Variants in DAPK2 observed in about 807,000 individuals in gnomAD.
DAPK2 encodes death associated protein kinase 2.
DAPK2 carries 35 observed loss-of-function variants against 44.1 expected under a neutral mutation model. The observed-to-expected ratio is 0.79, with a 90% CI of 0.61 to 1.05. DAPK2 has a LOEUF of 1.05. DAPK2 is among the 50% of genes least tolerant of loss of function. The probability of loss-of-function intolerance (pLI) is 0.00; values close to 1 mark genes in which losing one functional copy is unlikely to be tolerated. For missense variants in DAPK2, 453 were observed against 483.2 expected, an observed-to-expected ratio of 0.94 and a Z score of 0.59; for synonymous variants, 174 against 182.6, an observed-to-expected ratio of 0.95 and a Z score of 0.38.
intron 10 of DAPK2, chr15:63,911,563 C>T (rs1321355231): frequency 6.5e-6 from 2 of 305,616 alleles, no homozygotes; most frequent in Non-Finnish European, 1.2e-5. Context: ...ATGTAAAGCT[C>T]CCATTCTAAA....
rs547783107 is a variant in DAPK2, at chr15:63,958,729, C to G, written c.453+12694G>C. On this transcript the variant is annotated intron_variant, in intron 3 of 10. Coordinates refer to ENST00000261891, the Ensembl canonical transcript of DAPK2. ...TTGGTCTATATGTCTGTTTTGGTAC[C>G]AGTACCATGCTGTTTTGGTTACTGT... Among the ~76,000 whole-genome samples the G allele has an allele frequency of 5.1e-4, 77 of 152,240 alleles. 1 individual carries two copies. The highest frequency in any genetic ancestry group is 3.4e-3 in the Middle Eastern group (1 of 294).
rs145960819 is a variant in DAPK2 at position 64,013,423 on chromosome 15, A to C, written c.92+26747T>G. The stretch of plus-strand genomic sequence containing the variant: ...ACACTACGTGCCTTTAAGACTTAGT[A>C]ATTGGGCAGAAAAGTGAAACCAGGA... On this transcript the variant is annotated intron_variant, in intron 1 of 10. Coordinates refer to ENST00000261891, the Ensembl canonical transcript of DAPK2. This position sits in a 1 kb window ranked among gnomAD's most constrained non-coding sequence, Gnocchi z 4.7. Among the ~76,000 whole-genome samples, 1 of 152,358 alleles carries C rather than the reference A, an allele frequency of 6.6e-6. No homozygotes were observed. Among genetic ancestry groups the C allele is most frequent in the African/African-American group, 2.4e-5 (1 of 41,580 alleles).
intron 2 of DAPK2, among the ~76,000 whole-genome samples, chr15:63,975,054 G>A (rs966938244): frequency 9.9e-5 from 15 of 152,188 alleles, no homozygotes; most frequent in African/African-American, 3.6e-4. Context: ...CCTTGGCTGA[G>A]AGAGGGGTCT....
At chr15:63,915,899 G>A (rs2078914465) in intron 8 of DAPK2, among the ~76,000 whole-genome samples, 1 of 152,216 alleles carries the variant, frequency 6.6e-6, no homozygotes, top group Non-Finnish European at 1.5e-5. Context: ...AAATTCTGCA[G>A]CAAAATTGTT....
chr15:63,922,992 C>T, intron 8 of DAPK2: 1 of 1,535,902 alleles, frequency 6.5e-7, no homozygotes, highest in Non-Finnish European at 8.7e-7. Context: ...TGGATGTCTT[C>T]TCGCAGCAGC....
intron 6 of DAPK2, 70 bp downstream of exon 7, chr15:63,929,481 C>A (rs2079446427): frequency 6.3e-7 from 1 of 1,588,778 alleles, no homozygotes; most frequent in Admixed American, 1.7e-5. Context: ...TATCAGCCTG[C>A]CCCTCTCTCA....
chr15:64,002,916 C>CTG (rs3056849), intron 1 of DAPK2, among the ~76,000 whole-genome samples: 1,720 of 86,078 alleles, frequency 0.02, 43 homozygotes, highest in African/African-American at 0.033. Context: ...GACTGAGACA[C>CTG]TGTGTGTGTG....
Position 63,923,188 on chromosome 15 carries a change from G to C in DAPK2, c.858+1628C>G. 1 of 1,535,912 alleles carries C rather than the reference G, an allele frequency of 6.5e-7. No individual in the cohort carries two copies. The highest frequency in any genetic ancestry group is 8.7e-7 in the Non-Finnish European group (1 of 1,146,752). Reference sequence around the variant, plus strand: ...GGCATCCCAGGTCGACCCGAGCCACGTCTTCCACCACACAGGCAAAACGCT... The same window carrying C: ...GGCATCCCAGGTCGACCCGAGCCACCTCTTCCACCACACAGGCAAAACGCT... On this transcript the variant is annotated intron_variant, in intron 8 of 10. Coordinates refer to ENST00000261891, the Ensembl canonical transcript of DAPK2. This position sits in a 1 kb window ranked among gnomAD's most constrained non-coding sequence, Gnocchi z 4.2.
At chr15:63,947,168 G>A (rs1276998668) in intron 3 of DAPK2, among the ~76,000 whole-genome samples, 1 of 151,980 alleles carries the variant, frequency 6.6e-6, no homozygotes, top group African/African-American at 2.4e-5. Context: ...TTCCTGACAA[G>A]CTCCTTCTCC....
At chr15:63,975,814 G>A (rs7183285) in intron 2 of DAPK2, among the ~76,000 whole-genome samples, 4,897 of 152,124 alleles carry the variant, frequency 0.032, 154 homozygotes, top group South Asian at 0.18. Context: ...GGCCAAGCTG[G>A]GACTCCTGAC....
chr15:64,002,456 C>T (rs1253971827), intron 1 of DAPK2, among the ~76,000 whole-genome samples: 1 of 152,178 alleles, frequency 6.6e-6, no homozygotes, highest in Non-Finnish European at 1.5e-5. Flanking sequence ...TCTTCCATAG[C>T]ATCTATCAAC....
intron 4 of DAPK2, among the ~76,000 whole-genome samples, chr15:63,937,490 T>G (rs759878130): frequency 6.6e-5 from 10 of 152,216 alleles, no homozygotes; most frequent in Non-Finnish European, 1.5e-4. Context: ...CAGTGACTTG[T>G]CCCTGATAAA....
intron 1 of DAPK2, among the ~76,000 whole-genome samples, chr15:63,994,221 G>A (rs747782937): frequency 1.1e-4 from 17 of 151,920 alleles, no homozygotes; most frequent in South Asian, 4.2e-4. Context: ...CTCAGCACCC[G>A]GCACAAAACA....
At chr15:63,999,767 A>C (rs1042172321) in intron 1 of DAPK2, among the ~76,000 whole-genome samples, 1 of 150,982 alleles carries the variant, frequency 6.6e-6, no homozygotes. Flanking sequence ...CCCTGCTTTT[A>C]TTTTTTTATT....
At chr15:64,010,025 A>G (rs569650242) in intron 1 of DAPK2, among the ~76,000 whole-genome samples, 7 of 152,340 alleles carry the variant, frequency 4.6e-5, no homozygotes, top group East Asian at 1.9e-4. Context: ...AACCTATGCC[A>G]CTGAAACAAA....
chr15:64,028,448 G>A (rs2079915980), intron 1 of DAPK2, among the ~76,000 whole-genome samples: 1 of 152,182 alleles, frequency 6.6e-6, no homozygotes, highest in African/African-American at 2.4e-5. Flanking sequence ...GGAGACTGGA[G>A]AGACATAACC....
At chr15:64,002,302 C>CT (rs1193422163) in intron 1 of DAPK2, among the ~76,000 whole-genome samples, 3 of 152,166 alleles carry the variant, frequency 2.0e-5, no homozygotes, top group Admixed American at 2.0e-4. Flanking sequence ...TCAGAAATTC[C>CT]TTTTTTTATG....
intron 1 of DAPK2, among the ~76,000 whole-genome samples, chr15:64,045,268 T>C (rs1595934326): frequency 6.6e-6 from 1 of 152,262 alleles, no homozygotes; most frequent in Admixed American, 6.5e-5. Flanking sequence ...GAATCATCAG[T>C]GGTGCCACTT....
chr15:64,003,117 A>T (rs911493584), intron 1 of DAPK2, among the ~76,000 whole-genome samples: 1 of 151,650 alleles, frequency 6.6e-6, no homozygotes, highest in Non-Finnish European at 1.5e-5. Flanking sequence ...GAGGCTGAGG[A>T]GGGTGGGTGG....
Sources: gnomAD v4.1 joint callset for allele counts (sites outside exome capture counted in the v4.1 genomes callset) on GRCh38, gnomAD v4.1.1 for gene constraint, Gnocchi (gnomAD v3.1) non-coding constraint, MANE v1.5 for transcripts, NCBI Gene and HGNC (gene_info 2026-07-23, HGNC 2026-07-21) for gene names.